Variants in ADCY8 observed in about 807,000 individuals in gnomAD.
ADCY8 encodes adenylate cyclase type 8.
ADCY8 carries 51 observed loss-of-function variants against 119.7 expected under a neutral mutation model. The observed-to-expected ratio is 0.43, with a 90% CI of 0.34 to 0.54. ADCY8 has a LOEUF of 0.54. Ranked by LOEUF, ADCY8 falls within the 20% of genes least tolerant of loss-of-function variation. The pLI is 0.03. For synonymous variants in ADCY8, 665 were observed against 651.0 expected (o/e 1.02, Z -0.33); for missense variants, 1,383 against 1,598.8 (o/e 0.87, Z 2.30).
intron 5 of ADCY8, among the ~76,000 whole-genome samples, chr8:130,918,323 G>A (rs2130573841): frequency 6.6e-6 from 1 of 152,254 alleles, no homozygotes; most frequent in Middle Eastern, 3.4e-3. Context: ...GAGAGAGAGA[G>A]CCAGCAAGCT....
At chr8:131,008,482 C>T (rs562400239) in intron 1 of ADCY8, among the ~76,000 whole-genome samples, 3 of 152,264 alleles carry the variant, frequency 2.0e-5, no homozygotes, top group Non-Finnish European at 4.4e-5. Flanking sequence ...TGAAGAAGTG[C>T]CTTACACTAT....
chr8:130,935,705 C>G (rs566448460), intron 5 of ADCY8, among the ~76,000 whole-genome samples: 1 of 152,206 alleles, frequency 6.6e-6, no homozygotes, highest in Non-Finnish European at 1.5e-5. Flanking sequence ...AGAGGCTGTA[C>G]GCCTATTGCC....
chr8:130,938,531 G>C (rs1364310155), intron 4 of ADCY8, among the ~76,000 whole-genome samples: 2 of 152,156 alleles, frequency 1.3e-5, no homozygotes, highest in Non-Finnish European at 2.9e-5. Flanking sequence ...CAGAGCTGGA[G>C]AAGGGGAGTT....
chr8:130,835,585 ATTC>A (rs1321561637), intron 12 of ADCY8, among the ~76,000 whole-genome samples: 1 of 151,930 alleles, frequency 6.6e-6, no homozygotes, highest in African/African-American at 2.4e-5. Context: ...TGGGTAAGAT[ATTC>A]TTTTTTGTAC....
At chr8:130,937,235 T>C in intron 4 of ADCY8, 35 bp from the exon 5 acceptor site, 1 of 1,598,678 alleles carries the variant, frequency 6.3e-7, no homozygotes, top group Non-Finnish European at 8.5e-7. Flanking sequence ...AAGGTCTATG[T>C]CAGCAGAAGG....
At chr8:130,981,931 C>A (rs1822252423) in intron 2 of ADCY8, among the ~76,000 whole-genome samples, 1 of 152,164 alleles carries the variant, frequency 6.6e-6, no homozygotes, top group African/African-American at 2.4e-5. Flanking sequence ...TTCTTACAAC[C>A]AGCTTGAGAT....
chr8:130,822,414 G>A (rs1321344646), intron 12 of ADCY8, among the ~76,000 whole-genome samples: 1 of 152,170 alleles, frequency 6.6e-6, no homozygotes, highest in Non-Finnish European at 1.5e-5. Context: ...TGCTAACAGA[G>A]CTGTCCACTG....
chr8:130,943,694 T>C (rs1821027838), intron 3 of ADCY8, among the ~76,000 whole-genome samples: 1 of 152,166 alleles, frequency 6.6e-6, no homozygotes, highest in Non-Finnish European at 1.5e-5. Context: ...AGCCCTTTTT[T>C]CCTGTGCAGG....
intron 1 of ADCY8, among the ~76,000 whole-genome samples, chr8:131,018,855 A>G (rs1053199416): frequency 6.6e-6 from 1 of 152,164 alleles, no homozygotes; most frequent in African/African-American, 2.4e-5. Context: ...AGGAGTGTTA[A>G]TCTCCTGGAG....
Position 130,961,125 on chromosome 8 carries a change from T to G in ADCY8, c.1111-9127A>C, listed in dbSNP as rs534445167. 2.8e-3 allele frequency among the ~76,000 whole-genome samples: 426 copies of G among 152,328 alleles called. 2 individuals are homozygous for G. Among genetic ancestry groups the G allele is most frequent in the African/African-American group, 9.9e-3 (413 of 41,586 alleles). ...AATCACTTTCTTTCTTATTTATTTT[T>G]TTGAGACGGAGTCTCACTCTGTCAC... On this transcript the variant is annotated intron_variant, in intron 2 of 17. Transcript: ENST00000286355.
Position 131,022,841 on chromosome 8 carries a change from T to G in ADCY8, c.960+16533A>C, listed in dbSNP as rs374756982. The stretch of plus-strand genomic sequence containing the variant: ...GCTCCAGGGTAGAACACATGTATTA[T>G]TTGACTGCTTCCCTCAAGTCTAGCA... On this transcript the variant is annotated intron_variant, in intron 1 of 17. Coordinates refer to ENST00000286355, the MANE Select transcript of ADCY8 (RefSeq NM_001115.3). Among the ~76,000 whole-genome samples, 48 of 152,234 alleles carry G rather than the reference T, an allele frequency of 3.2e-4. 2 individuals carry two copies. The East Asian group carries it at 3.7e-3, about 12-fold the overall frequency.
intron 1 of ADCY8, among the ~76,000 whole-genome samples, chr8:130,995,627 T>C (rs1174438931): frequency 6.6e-6 from 1 of 152,104 alleles, no homozygotes; most frequent in Non-Finnish European, 1.5e-5. Context: ...TTCTGGGACA[T>C]TCAAATGTCA....
chr8:130,913,942 C>G (rs74578250), intron 5 of ADCY8, among the ~76,000 whole-genome samples: 76 of 152,302 alleles, frequency 5.0e-4, no homozygotes, highest in Non-Finnish European at 9.6e-4. Flanking sequence ...ATGCTTTAAT[C>G]TCTGCATCGA....
Position 130,832,783 on chromosome 8 carries a change from A to C in ADCY8, c.2675+3494T>G, listed in dbSNP as rs552224910. 2.6e-5 allele frequency among the ~76,000 whole-genome samples: 4 copies of C among 152,322 alleles called. No homozygotes were observed. In the South Asian group the frequency reaches 8.3e-4, roughly 32 times the overall value. Reference sequence around the variant, plus strand: ...CAGAATCCAGAACTAAGCTTCTCTCATAAGAAGGAGAGAGGGAATAGGAAT... The same window carrying C: ...CAGAATCCAGAACTAAGCTTCTCTCCTAAGAAGGAGAGAGGGAATAGGAAT... On this transcript the variant is annotated intron_variant, in intron 12 of 17. Coordinates refer to ENST00000286355, the MANE Select transcript of ADCY8 (RefSeq NM_001115.3).
intron 8 of ADCY8, among the ~76,000 whole-genome samples, chr8:130,869,774 C>T (rs1818270464): frequency 6.6e-6 from 1 of 151,886 alleles, no homozygotes; most frequent in Admixed American, 6.5e-5. Flanking sequence ...GCCTCGGCCT[C>T]CCAAAGGGCT....
chr8:130,783,976 G>A (rs1259434619), intron 16 of ADCY8, among the ~76,000 whole-genome samples, 171 bp from the exon 17 acceptor site: 1 of 152,212 alleles, frequency 6.6e-6, no homozygotes, highest in Non-Finnish European at 1.5e-5. Flanking sequence ...CTCAGAACAT[G>A]GGAAGACATA....
chr8:130,964,637 G>T (rs1331962791), intron 2 of ADCY8, among the ~76,000 whole-genome samples: 2 of 152,160 alleles, frequency 1.3e-5, no homozygotes, highest in Non-Finnish European at 2.9e-5. Context: ...TGATAATTTT[G>T]AAAGTACTTT....
chr8:130,864,446 C>T (rs1276104211), intron 9 of ADCY8, among the ~76,000 whole-genome samples: 1 of 151,958 alleles, frequency 6.6e-6, no homozygotes, highest in Non-Finnish European at 1.5e-5. Context: ...TTGCTTAGCT[C>T]TCCTTTCTTC....
chr8:131,023,648 C>T (rs1375141535), intron 1 of ADCY8, among the ~76,000 whole-genome samples: 1 of 152,150 alleles, frequency 6.6e-6, no homozygotes, highest in Non-Finnish European at 1.5e-5. Flanking sequence ...CTACATATTT[C>T]CTAGCAATTT....
Sources: allele counts gnomAD v4.1 joint callset (sites outside exome capture counted in the v4.1 genomes callset), GRCh38; gene constraint gnomAD v4.1.1; transcripts MANE v1.5; gene names NCBI Gene and HGNC (gene_info 2026-07-23, HGNC 2026-07-21).